Variants in FLNB observed in about 807,000 individuals in gnomAD.
The protein encoded by FLNB is filamin-B.
A neutral mutation model predicts 250.6 loss-of-function variants in FLNB; 111 were observed. The ratio of observed to expected loss-of-function variants is 0.44; its 90% CI spans 0.38 to 0.52. FLNB has a LOEUF of 0.52. FLNB is among the 20% of genes least tolerant of loss of function. FLNB has a pLI of 0.00. For synonymous variants in FLNB, 1,302 were observed against 1,372.1 expected, an observed-to-expected ratio of 0.95 and a Z score of 1.13; for missense variants, 2,869 against 3,447.8, an observed-to-expected ratio of 0.83 and a Z score of 4.20.
rs1368957336 is a variant in FLNB, at chr3:58,103,981, G to A, written c.1506G>A (p.Lys502=). The part of the protein sequence containing the change: ...KGPKGLEELV[K]QKDFLDGVYA... The stretch of plus-strand genomic sequence containing the variant: ...CAGAGGGTCTGGAGGAGCTGGTGAA[G>A]CAGAAAGACTTTCTGGATGGGGTCT... Residue 502 remains lysine (K), a synonymous_variant, in exon 10 of 46, where the codon AAG becomes AAA. Transcript: ENST00000295956. The A allele has an allele frequency of 1.2e-6, 2 of 1,614,012 alleles. No individual in the cohort carries two copies. The highest frequency in any genetic ancestry group is 2.2e-5 in the East Asian group (1 of 44,878).
chr3:58,138,609 A>G, intron 29 of FLNB, 80 bp downstream of exon 29: 6 of 1,568,412 alleles, frequency 3.8e-6, no homozygotes, highest in Admixed American at 1.7e-5. Flanking sequence ...CCTGACTAGG[A>G]TATCCTCTTC....
intron 1 of FLNB, among the ~76,000 whole-genome samples, chr3:58,034,099 G>A (rs972103704): frequency 6.6e-5 from 10 of 152,106 alleles, no homozygotes; most frequent in East Asian, 1.9e-4. Flanking sequence ...GACCTTAGGC[G>A]ATCCGCTCAC....
chr3:58,135,843 C>A, intron 27 of FLNB, 136 bp from the exon 28 acceptor site: 1 of 952,180 alleles, frequency 1.1e-6, no homozygotes. Context: ...AAAAACAAAA[C>A]AAAACTAGAT....
intron 7 of FLNB, 59 bp downstream of exon 7, chr3:58,098,036 T>C (rs1576712691): frequency 1.9e-6 from 3 of 1,569,926 alleles, no homozygotes; most frequent in Non-Finnish European, 2.6e-6. Context: ...GGCTGAAATA[T>C]AATCCTCGGG....
chr3:58,074,398 A>G (rs2097198818), intron 1 of FLNB, among the ~76,000 whole-genome samples: 2 of 152,206 alleles, frequency 1.3e-5, no homozygotes, highest in South Asian at 2.1e-4. Flanking sequence ...ATACTGAGAA[A>G]TGAGCTGGGA....
rs765742353 is a variant in FLNB, at chr3:58,123,290, C to T, written c.3324C>T (p.Phe1108=). The change falls in exon 21 of 46, where the codon TTC becomes TTT. Residue 1108 remains phenylalanine, a synonymous_variant. Coordinates refer to ENST00000295956, the MANE Select transcript of FLNB (RefSeq NM_001457.4). ...SYLPTKPGEY[F]VNILFEEVHI... is the part of the protein sequence containing the mutation. Reference sequence around the variant, plus strand: ...TTCCCACAAAACCCGGGGAGTACTTCGTCAACATCCTCTTTGAAGAAGTCC... The same window carrying T: ...TTCCCACAAAACCCGGGGAGTACTTTGTCAACATCCTCTTTGAAGAAGTCC... 9.9e-6 allele frequency: 16 copies of T among 1,614,046 alleles called. No homozygotes were observed. The highest frequency in any genetic ancestry group is 1.7e-5 in the Admixed American group (1 of 59,996).
intron 41 of FLNB, among the ~76,000 whole-genome samples, chr3:58,156,740 AG>A (rs1468807167): frequency 6.6e-6 from 1 of 152,178 alleles, no homozygotes; most frequent in African/African-American, 2.4e-5. Context: ...TCTGTCACCC[AG>A]GCTGGAGTGC....
chr3:58,093,855 A>C (rs984135031), intron 4 of FLNB, among the ~76,000 whole-genome samples: 1 of 152,212 alleles, frequency 6.6e-6, no homozygotes, highest in East Asian at 1.9e-4. Context: ...ATATGTAGTG[A>C]AAAAGGCCAC....
At chr3:58,050,983 T>C (rs1011912757) in intron 1 of FLNB, among the ~76,000 whole-genome samples, 3 of 152,214 alleles carry the variant, frequency 2.0e-5, no homozygotes, top group African/African-American at 7.2e-5. Context: ...AAGTGGCATT[T>C]TAGAGGAAAT....
chr3:58,033,228 C>T (rs982537059), intron 1 of FLNB, among the ~76,000 whole-genome samples: 4 of 152,214 alleles, frequency 2.6e-5, no homozygotes, highest in Non-Finnish European at 4.4e-5. Flanking sequence ...CAGCGAACCT[C>T]CCTATCCAGC....
chr3:58,077,027 C>T lies in FLNB; in HGVS notation c.293-19C>T, dbSNP rs370497055. 6 of 1,613,844 alleles carry T rather than the reference C, an allele frequency of 3.7e-6. No homozygotes were observed. The Admixed American group carries it at 5.0e-5, about 13-fold the overall frequency. On this transcript the variant is annotated intron_variant, in intron 1 of 45. Coordinates refer to ENST00000295956, the MANE Select transcript of FLNB (RefSeq NM_001457.4). ...TGTGTAACCCAAAGGAATGACCAAG[C>T]CTGTGCTTCTCTCCCCAGATAGCAA...
chr3:58,159,898 C>T (rs1470039926), intron 42 of FLNB, among the ~76,000 whole-genome samples: 1 of 152,142 alleles, frequency 6.6e-6, no homozygotes, highest in African/African-American at 2.4e-5. Context: ...AATGCTCATT[C>T]TTTCTTTCTT....
rs1173602659 is a variant in FLNB at position 58,104,048 on chromosome 3, A to C, written c.1573A>C (p.Ile525Leu). ...YYPSTPGRYS[I>L]AITWGGHHIP... ...CCCCAGCACCCCGGGGAGATACAGC[A>C]TTGCCATCACATGGGGGGGACACCA... is the stretch of plus-strand genomic sequence containing the variant. The change falls in exon 10 of 46, where the codon ATT (isoleucine) becomes CTT (leucine). Residue 525 changes from isoleucine to leucine, a missense_variant. Around this residue, in one of 5 missense-constraint regions of FLNB, gnomAD observed 1,348 missense variants for 1,466.7 expected, o/e 0.92. Coordinates refer to ENST00000295956, the MANE Select transcript of FLNB (RefSeq NM_001457.4). 1 of 1,613,868 alleles carries C rather than the reference A, an allele frequency of 6.2e-7. No homozygotes were observed. The highest frequency in any genetic ancestry group is 8.5e-7 in the Non-Finnish European group (1 of 1,180,022).
chr3:58,008,921 T>C, intron 1 of FLNB, 65 bp downstream of exon 1: 2 of 1,583,924 alleles, frequency 1.3e-6, no homozygotes, highest in Non-Finnish European at 1.7e-6. Context: ...CGTGCACCCC[T>C]GCGGAGGGCG....
rs757953958 is a variant in FLNB at position 58,078,745 on chromosome 3, C to T, written c.570C>T (p.Asp190=). 6 of 1,613,924 alleles carry T rather than the reference C, an allele frequency of 3.7e-6. No individual in the cohort carries two copies. Among genetic ancestry groups the T allele is most frequent in the East Asian group, 2.2e-5 (1 of 44,882 alleles). Residue 190 remains aspartate (D), a synonymous_variant, in exon 3 of 46, where the codon GAC becomes GAT. Transcript: ENST00000295956. ...PGLCPDWESW[D]PQKPVDNARE... is the part of the protein sequence containing the mutation. ...TGTGCCCAGACTGGGAATCCTGGGA[C>T]CCGCAGAAGCCTGTGGATAATGCAC...
At chr3:58,078,235 A>G (rs1364119018) in intron 2 of FLNB, 5 of 1,345,730 alleles carry the variant, frequency 3.7e-6, no homozygotes, top group Non-Finnish European at 4.8e-6. Flanking sequence ...ACCTCTTTCC[A>G]ATTTAAACCT....
intron 38 of FLNB, chr3:58,150,820 C>T (rs964582550): frequency 6.2e-6 from 1 of 160,572 alleles, no homozygotes; most frequent in Admixed American, 5.8e-5. Flanking sequence ...TTTTGAGGCT[C>T]CTCTGCCCAG....
intron 26 of FLNB, 121 bp downstream of exon 26, chr3:58,133,052 C>T: frequency 8.9e-7 from 1 of 1,123,848 alleles, no homozygotes; most frequent in East Asian, 2.6e-5. Flanking sequence ...CTCATCCATT[C>T]CTCCATCAGT....
At position 58,121,489 on chromosome 3, in the gene FLNB, C is replaced by T; in HGVS notation, c.3112C>T (p.Pro1038Ser). 1 of 1,614,094 alleles carries T rather than the reference C, an allele frequency of 6.2e-7. No individual in the cohort carries two copies. The highest frequency in any genetic ancestry group is 8.5e-7 in the Non-Finnish European group (1 of 1,180,038). The change falls in exon 20 of 46, where the codon CCA becomes TCA. Residue 1038 changes from proline (P) to serine (S), a missense_variant. By Grantham distance (74) the Pro-to-Ser change is moderately conservative. Coordinates refer to ENST00000295956, the MANE Select transcript of FLNB (RefSeq NM_001457.4). Reference protein sequence around the residue: ...SPYTVEASLPPDPSKVKAHGP... With the variant: ...SPYTVEASLPSDPSKVKAHGP... ...CTACACAGTGGAGGCCTCGCTGCCA[C>T]CAGATCCCAGCAAGGTCAGCCTTTG...
Sources: gnomAD v4.1 joint callset for allele counts (sites outside exome capture counted in the v4.1 genomes callset) on GRCh38, gnomAD v4.1.1 for gene constraint, gnomAD v4.1.1 regional missense constraint, MANE v1.5 for transcripts, NCBI Gene and HGNC (gene_info 2026-07-23, HGNC 2026-07-21) for gene names.